KIF1C: variants seen among roughly 807,000 people sequenced by gnomAD.
KIF1C encodes kinesin family member 1C, also known as kinesin-like protein KIF1C.
Under a neutral mutation model 126.5 loss-of-function variants are expected in KIF1C, and 61 were observed. That is an observed-to-expected ratio of 0.48 (90% CI 0.39 to 0.60). The LOEUF is 0.60. KIF1C is among the 20% of genes least tolerant of loss of function. The pLI, the probability that KIF1C is intolerant of heterozygous loss-of-function variation, is 0.00. For missense variants in KIF1C, 1,315 were observed against 1,489.2 expected (o/e 0.88, Z 1.93); for synonymous variants, 640 against 580.6 (o/e 1.10, Z -1.47).
chr17:5,009,581 G>C (rs1420371167), intron 16 of KIF1C, among the ~76,000 whole-genome samples: 1 of 151,654 alleles, frequency 6.6e-6, no homozygotes, highest in African/African-American at 2.4e-5. Context: ...GAGGTCAGGA[G>C]ATTGAGACCA....
At chr17:5,002,683 T>C (rs762080491) in intron 7 of KIF1C, 41 bp downstream of exon 7, 3 of 1,612,240 alleles carry the variant, frequency 1.9e-6, no homozygotes, top group East Asian at 2.2e-5. Flanking sequence ...GGGGCCAGGG[T>C]TGGGAAGGTG....
At chr17:5,008,899 G>A (rs1266774157) in intron 16 of KIF1C, among the ~76,000 whole-genome samples, 1 of 152,164 alleles carries the variant, frequency 6.6e-6, no homozygotes, top group Non-Finnish European at 1.5e-5. Flanking sequence ...TGCAAGGATG[G>A]AGGAAAAGCA....
rs1460410748 is a variant in KIF1C, at chr17:5,023,443, T to G, written c.2629-25T>G. ...GATTCAGCTCTCCTCACATCCCTTC[T>G]CCTTTTCTCACTCCTCCCTCCCAGG... On this transcript the variant is annotated intron_variant, in intron 22 of 22. Transcript: ENST00000320785. The surrounding 1 kb of genome is among the most constrained non-coding windows in gnomAD (Gnocchi z 4.2). The G allele has an allele frequency of 2.5e-6, 4 of 1,602,390 alleles. No homozygotes were observed. Among genetic ancestry groups the G allele is most frequent in the Non-Finnish European group, 3.4e-6 (4 of 1,170,882 alleles).
At chr17:5,008,213 G>A (rs1974778782) in intron 16 of KIF1C, among the ~76,000 whole-genome samples, 1 of 152,202 alleles carries the variant, frequency 6.6e-6, no homozygotes. Context: ...GGAGCAGGGC[G>A]GGAGAGGTCA....
intron 4 of KIF1C, 58 bp downstream of exon 4, chr17:5,000,906 G>C (rs1455023540): frequency 1.3e-6 from 2 of 1,513,830 alleles, no homozygotes; most frequent in Non-Finnish European, 1.8e-6. Context: ...TTTAGGTCCT[G>C]GGGAGGGGAC....
At position 5,024,484 on chromosome 17, in the gene KIF1C, T is replaced by G. The variant is rs1425148794; in HGVS notation, c.*333T>G. The G allele has an allele frequency of 3.7e-6, 1 of 267,274 alleles. No homozygotes were observed. Among genetic ancestry groups the G allele is most frequent in the Non-Finnish European group, 7.1e-6 (1 of 141,172 alleles). 16.6% of individuals were successfully genotyped at this position (267,274 alleles called of 1,614,324 possible). On this transcript the variant is annotated 3_prime_UTR_variant, in exon 23 of 23. Transcript: ENST00000320785. ...GCCAGTGTTTGACTTTCTTTTCAAG[T>G]GGGGGAAAGTGGGAGAGGACTGAGA...
At position 5,022,177 on chromosome 17, in the gene KIF1C, T is replaced by C; in HGVS notation, c.2096T>C (p.Leu699Pro). 1 of 1,614,078 alleles carries C rather than the reference T, an allele frequency of 6.2e-7. No homozygotes were observed. The highest frequency in any genetic ancestry group is 8.5e-7 in the Non-Finnish European group (1 of 1,179,974). ...WRLISSLREQ[L>P]PPTTVQTIVK... ...CTCATCTCCTCCTTGCGGGAGCAGCTGCCGCCCACCACGGTCCAGACCATT... is the reference window on the plus strand; with the variant it reads ...CTCATCTCCTCCTTGCGGGAGCAGCCGCCGCCCACCACGGTCCAGACCATT... The change falls in exon 22 of 23, where the codon CTG (leucine) becomes CCG (proline). Residue 699 changes from leucine (L) to proline (P), a missense_variant. Around this residue, in one of 2 missense-constraint regions of KIF1C, gnomAD observed 874 missense variants for 1,053.2 expected, o/e 0.83. Transcript: ENST00000320785. This position sits in a 1 kb window ranked among gnomAD's most constrained non-coding sequence, Gnocchi z 4.9.
At chr17:5,008,508 G>A (rs916044448) in intron 16 of KIF1C, among the ~76,000 whole-genome samples, 4 of 152,222 alleles carry the variant, frequency 2.6e-5, no homozygotes, top group African/African-American at 9.6e-5. Flanking sequence ...TGTGCTCTGA[G>A]CCAGACAGTG....
rs752902235 is a variant in KIF1C at position 5,002,144 on chromosome 17, G to C, written c.429+20G>C. ...GTGGAGGTAAGCCCGGGTCTTGGTG[G>C]CAGGGCTGAGAGGGGTCCAGACTGC... is the stretch of plus-strand genomic sequence containing the variant. On this transcript the variant is annotated intron_variant, in intron 6 of 22. Transcript: ENST00000320785. 7 of 1,611,048 alleles carry C rather than the reference G, an allele frequency of 4.3e-6. No individual in the cohort carries two copies. The highest frequency in any genetic ancestry group is 5.9e-6 in the Non-Finnish European group (7 of 1,177,320).
rs57245298 is a variant in KIF1C at position 5,027,214 on chromosome 17, C to T, written c.*3063C>T. 6,713 of 152,238 alleles carry T rather than the reference C, an allele frequency of 0.044. 452 individuals carry two copies. The highest frequency in any genetic ancestry group is 0.15 in the African/African-American group (6,065 of 41,524). 9.4% of individuals were successfully genotyped at this position (152,238 alleles called of 1,614,324 possible). A position where few individuals can be genotyped will look rare whatever the true frequency, so the allele number is the denominator to read the frequency against. On this transcript the variant is annotated 3_prime_UTR_variant, in exon 23 of 23. Transcript: ENST00000320785. ...CACAATCTTGGCTCACTACAACCTC[C>T]GCTTCCTGGGTTCAAGCGATTCTCC...
chr17:5,024,946 G>A lies in KIF1C; in HGVS notation c.*795G>A, dbSNP rs1975182972. On this transcript the variant is annotated 3_prime_UTR_variant, in exon 23 of 23. Transcript: ENST00000320785. Reference sequence around the variant, plus strand: ...TTTTTGGGAGACAGGGTCTTGCTTTGTTGCCCAGGCTGGAGGTACAGTCTT... The same window carrying A: ...TTTTTGGGAGACAGGGTCTTGCTTTATTGCCCAGGCTGGAGGTACAGTCTT... The A allele has an allele frequency of 6.6e-6, 1 of 150,990 alleles. No homozygotes were observed. Among genetic ancestry groups the A allele is most frequent in the African/African-American group, 2.4e-5 (1 of 40,822 alleles). 9.4% of individuals were successfully genotyped at this position (150,990 alleles called of 1,614,324 possible). A position where few individuals can be genotyped will look rare whatever the true frequency, so the allele number is the denominator to read the frequency against.
At chr17:5,011,014 A>G (rs1396371065) in intron 16 of KIF1C, among the ~76,000 whole-genome samples, 1 of 152,032 alleles carries the variant, frequency 6.6e-6, no homozygotes, top group Non-Finnish European at 1.5e-5. Flanking sequence ...CCCAAGGGTA[A>G]CATACAAGAG....
At chr17:5,017,731 T>G (rs959487386) in intron 18 of KIF1C, among the ~76,000 whole-genome samples, 7 of 151,916 alleles carry the variant, frequency 4.6e-5, no homozygotes, top group Non-Finnish European at 8.8e-5. Context: ...CGTCCGCATT[T>G]TCTCACACAG....
At chr17:5,000,566 A>G (rs569340058) in intron 3 of KIF1C, among the ~76,000 whole-genome samples, 2 of 145,916 alleles carry the variant, frequency 1.4e-5, no homozygotes, top group South Asian at 2.1e-4. Context: ...TGCCCAATCC[A>G]GGGAGGCAGC....
intron 16 of KIF1C, among the ~76,000 whole-genome samples, chr17:5,008,324 C>A (rs1974780783): frequency 6.6e-6 from 1 of 152,144 alleles, no homozygotes; most frequent in Admixed American, 6.6e-5. Flanking sequence ...GCCAGCACCG[C>A]TGTACCGGTG....
chr17:5,001,581 T>C (rs1255802601), intron 5 of KIF1C, among the ~76,000 whole-genome samples, 180 bp downstream of exon 5: 3 of 128,512 alleles, frequency 2.3e-5, no homozygotes, highest in Non-Finnish European at 3.7e-5. Flanking sequence ...TCTTCGCCCC[T>C]ATCAGAGGCA....
chr17:5,000,656 G>C, intron 3 of KIF1C, 116 bp from the exon 4 acceptor site: 1 of 972,130 alleles, frequency 1.0e-6, no homozygotes, highest in Admixed American at 1.9e-5. Context: ...GGAGAGAAGA[G>C]TCAGGACAGT....
Position 5,022,265 on chromosome 17 carries a change from C to A in KIF1C, c.2184C>A (p.Ile728=), listed in dbSNP as rs369357478. The change falls in exon 22 of 23, where the codon ATC becomes ATA. Residue 728 remains isoleucine (I), a synonymous_variant. Transcript: ENST00000320785. The surrounding 1 kb of genome is among the most constrained non-coding windows in gnomAD (Gnocchi z 4.9). The part of the protein sequence containing the change: ...KRRAPRRVYQ[I]PQRRRLQGKD... ...GGGCCCCTCGCAGGGTTTATCAGAT[C>A]CCCCAGCGACGCAGGCTGCAGGGCA... 4.3e-6 allele frequency: 7 copies of A among 1,613,982 alleles called. No homozygotes were observed. The African/African-American group carries it at 8.0e-5, about 18-fold the overall frequency.
intron 18 of KIF1C, among the ~76,000 whole-genome samples, chr17:5,017,764 C>G (rs950701769): frequency 1.3e-5 from 2 of 151,932 alleles, no homozygotes; most frequent in Non-Finnish European, 2.9e-5. Flanking sequence ...AGAACTGAGG[C>G]TCTCGGGGGT....
Sources: allele counts gnomAD v4.1 joint callset (sites outside exome capture counted in the v4.1 genomes callset), GRCh38; gene constraint gnomAD v4.1.1; regional missense constraint gnomAD v4.1.1; non-coding constraint Gnocchi (gnomAD v3.1); transcripts MANE v1.5; gene names NCBI Gene and HGNC (gene_info 2026-07-23, HGNC 2026-07-21).